Variants in BCKDHB observed in about 807,000 individuals in gnomAD.
BCKDHB encodes 2-oxoisovalerate dehydrogenase subunit beta, mitochondrial.
Under a neutral mutation model 48.5 loss-of-function variants are expected in BCKDHB, and 41 were observed. That is an observed-to-expected ratio of 0.85 (90% CI 0.66 to 1.10). The LOEUF (loss-of-function observed/expected upper bound fraction) is 1.10. Ranked by LOEUF, BCKDHB falls within the 50% of genes least tolerant of loss-of-function variation. BCKDHB has a pLI of 0.00. For synonymous variants in BCKDHB, 201 were observed against 174.8 expected, an observed-to-expected ratio of 1.15 and a Z score of -1.18; for missense variants, 496 against 494.2, an observed-to-expected ratio of 1.00 and a Z score of -0.03.
At chr6:80,159,587 T>C (rs1772216420) in intron 3 of BCKDHB, among the ~76,000 whole-genome samples, 1 of 152,216 alleles carries the variant, frequency 6.6e-6, no homozygotes, top group South Asian at 2.1e-4. Flanking sequence ...AGCTTTGTAT[T>C]TTTGCTTTAG....
In BCKDHB at chr6:80,207,605, A is replaced by G. The variant is rs181312447; in HGVS notation, c.951+4393A>G. 1.0e-3 allele frequency among the ~76,000 whole-genome samples: 153 copies of G among 151,972 alleles called. 1 individual carries two copies. Among genetic ancestry groups the G allele is most frequent in the African/African-American group, 3.4e-3 (143 of 41,552 alleles). On this transcript the variant is annotated intron_variant, in intron 8 of 9. Transcript: ENST00000320393. ...AGATCCTCAGACTTCATGAAAAACAACTACCACCACCATGTGTAGCTTAAA... is the reference window on the plus strand; with the variant it reads ...AGATCCTCAGACTTCATGAAAAACAGCTACCACCACCATGTGTAGCTTAAA...
At chr6:80,244,212 G>T (rs2127920461) in intron 8 of BCKDHB, among the ~76,000 whole-genome samples, 1 of 152,330 alleles carries the variant, frequency 6.6e-6, no homozygotes, top group East Asian at 1.9e-4. Context: ...GGAGATGGAA[G>T]GGCACAGTCT....
Position 80,167,831 on chromosome 6 carries a change from T to C in BCKDHB, c.477+20T>C. On this transcript the variant is annotated intron_variant, in intron 4 of 9. Coordinates refer to ENST00000320393, the MANE Select transcript of BCKDHB (RefSeq NM_183050.4). Reference sequence around the variant, plus strand: ...GATCAGGTAAGTGAATGAACATTTCTAAGGTTGTTCATTCATTGAAATATT... The same window carrying C: ...GATCAGGTAAGTGAATGAACATTTCCAAGGTTGTTCATTCATTGAAATATT... 1 of 1,611,612 alleles carries C rather than the reference T, an allele frequency of 6.2e-7. No individual in the cohort carries two copies. The highest frequency in any genetic ancestry group is 8.5e-7 in the Non-Finnish European group (1 of 1,178,212).
At chr6:80,247,248 A>G (rs758156620) in intron 8 of BCKDHB, among the ~76,000 whole-genome samples, 10 of 152,260 alleles carry the variant, frequency 6.6e-5, no homozygotes, top group Non-Finnish European at 1.2e-4. Flanking sequence ...CCTTGGCTGT[A>G]TCTGTCTGTC....
intron 1 of BCKDHB, among the ~76,000 whole-genome samples, chr6:80,113,089 C>T (rs536355324): frequency 6.6e-6 from 1 of 152,256 alleles, no homozygotes; most frequent in East Asian, 1.9e-4. Flanking sequence ...ACTGGTTAAC[C>T]TATAGGATAA....
the BCKDHB span, among the ~76,000 whole-genome samples, chr6:80,409,634 T>A: frequency 9.2e-6 from 1 of 108,172 alleles, no homozygotes; most frequent in East Asian, 3.2e-4. Context: ...ATATATATGA[T>A]AGTTAGTTCT....
intron 9 of BCKDHB, among the ~76,000 whole-genome samples, chr6:80,318,614 G>A (rs1044849850): frequency 6.6e-6 from 1 of 151,466 alleles, no homozygotes; most frequent in Admixed American, 6.6e-5. Flanking sequence ...GAACCCGGGA[G>A]GTGGAGGTTG....
intron 9 of BCKDHB, among the ~76,000 whole-genome samples, chr6:80,318,951 A>G (rs939118829): frequency 6.6e-6 from 1 of 152,202 alleles, no homozygotes; most frequent in Non-Finnish European, 1.5e-5. Flanking sequence ...CCAATCCTTT[A>G]TGGATACCAA....
chr6:80,233,331 C>G (rs1317110870), intron 8 of BCKDHB, among the ~76,000 whole-genome samples: 1 of 152,102 alleles, frequency 6.6e-6, no homozygotes, highest in African/African-American at 2.4e-5. Flanking sequence ...GGGCAGTAGC[C>G]TTTCTCAAAT....
intron 6 of BCKDHB, among the ~76,000 whole-genome samples, chr6:80,196,733 AAAG>A (rs1284754593): frequency 1.3e-5 from 2 of 152,186 alleles, no homozygotes; most frequent in African/African-American, 4.8e-5. Context: ...CTGGGAGAAA[AAAG>A]GAGGAGGATG....
At chr6:80,175,507 G>A (rs1773108749) in intron 6 of BCKDHB, among the ~76,000 whole-genome samples, 1 of 152,180 alleles carries the variant, frequency 6.6e-6, no homozygotes. Flanking sequence ...TAATTCAGCT[G>A]TTTACCCTTT....
At chr6:80,234,921 A>G (rs1003633066) in intron 8 of BCKDHB, among the ~76,000 whole-genome samples, 2 of 152,176 alleles carry the variant, frequency 1.3e-5, no homozygotes, top group Non-Finnish European at 2.9e-5. Flanking sequence ...AGGCCGAGGA[A>G]GACAAATACA....
chr6:80,364,784 T>C, the BCKDHB span, among the ~76,000 whole-genome samples: 1 of 152,222 alleles, frequency 6.6e-6, no homozygotes, highest in South Asian at 2.1e-4. Context: ...GCTTTCCCCA[T>C]ACAATCAGTG....
At chr6:80,351,289 C>T in the BCKDHB span, among the ~76,000 whole-genome samples, 247 of 152,116 alleles carry the variant, frequency 1.6e-3, 1 homozygote, top group Non-Finnish European at 2.9e-3. Context: ...AGCTCTAGGA[C>T]AATATTGTGC....
chr6:80,304,120 TTTA>T, intron 9 of BCKDHB, among the ~76,000 whole-genome samples: 1 of 152,148 alleles, frequency 6.6e-6, no homozygotes, highest in Non-Finnish European at 1.5e-5. Flanking sequence ...AATCAAATAC[TTTA>T]TGCTTGTGAA....
chr6:80,263,844 G>C (rs1255319382), intron 8 of BCKDHB, among the ~76,000 whole-genome samples: 1 of 152,102 alleles, frequency 6.6e-6, no homozygotes, highest in African/African-American at 2.4e-5. Flanking sequence ...TATGCTGGGA[G>C]TACAAGGGAT....
At chr6:80,449,877 CT>C in the BCKDHB span, among the ~76,000 whole-genome samples, 3 of 152,002 alleles carry the variant, frequency 2.0e-5, no homozygotes, top group Admixed American at 6.6e-5. Context: ...AAGCATTTAG[CT>C]TTTTTTTCTT....
At chr6:80,359,876 C>A in the BCKDHB span, among the ~76,000 whole-genome samples, 8 of 152,202 alleles carry the variant, frequency 5.3e-5, no homozygotes, top group Admixed American at 5.2e-4. Flanking sequence ...AGGTGTGAGC[C>A]ACTGCGCCTG....
chr6:80,353,954 T>C, the BCKDHB span, among the ~76,000 whole-genome samples: 2 of 152,246 alleles, frequency 1.3e-5, no homozygotes, highest in Non-Finnish European at 2.9e-5. Flanking sequence ...ATGTTGAGAA[T>C]TTTCATACAC....
Sources: gnomAD v4.1 joint callset for allele counts (sites outside exome capture counted in the v4.1 genomes callset) on GRCh38, gnomAD v4.1.1 for gene constraint, MANE v1.5 for transcripts, NCBI Gene and HGNC (gene_info 2026-07-23, HGNC 2026-07-21) for gene names.